Variants in BEGAIN observed in about 807,000 individuals in gnomAD.
The protein encoded by BEGAIN is brain-enriched guanylate kinase-associated protein.
BEGAIN carries 19 observed loss-of-function variants against 35.8 expected under a neutral mutation model. The observed-to-expected ratio is 0.53, with a 90% confidence interval of 0.37 to 0.78. BEGAIN has a LOEUF of 0.78. BEGAIN is among the 30% of genes least tolerant of loss of function. The pLI, the probability that BEGAIN is intolerant of heterozygous loss-of-function variation, is 0.00. For missense variants in BEGAIN, 795 were observed against 853.6 expected, an observed-to-expected ratio of 0.93 and a Z score of 0.85; for synonymous variants, 462 against 388.6, an observed-to-expected ratio of 1.19 and a Z score of -2.22.
At chr14:100,577,863 T>C (rs948577005) in intron 1 of BEGAIN, 13 of 399,194 alleles carry the variant, frequency 3.3e-5, no homozygotes, top group Non-Finnish European at 5.3e-5. Flanking sequence ...TGGGGGCTTC[T>C]GTCCCGGGCT....
intron 2 of BEGAIN, among the ~76,000 whole-genome samples, chr14:100,555,648 C>T (rs1300042735): frequency 6.6e-6 from 1 of 152,254 alleles, no homozygotes; most frequent in Non-Finnish European, 1.5e-5. Flanking sequence ...AGGCCAGCCT[C>T]ACACTGAGAT....
At chr14:100,539,445 C>T (rs937958618) in intron 6 of BEGAIN, 130 bp from the exon 7 acceptor site, 27 of 1,421,816 alleles carry the variant, frequency 1.9e-5, no homozygotes, top group Middle Eastern at 2.5e-4. Flanking sequence ...GGGGGCCTCC[C>T]GGCTTCTCAA....
Position 100,568,129 on chromosome 14 carries a change from G to A in BEGAIN, c.43-190C>T. 9.9e-7 allele frequency: 1 copy of A among 1,006,246 alleles called. No homozygotes were observed. The highest frequency in any genetic ancestry group is 1.8e-5 in the African/African-American group (1 of 57,072). 62.3% of individuals were successfully genotyped at this position (1,006,246 alleles called of 1,614,324 possible). ...CGTGACTCAGTGGGCGCGCCGGGCC[G>A]CGGCCGAGTAACAGGTGAGCCCGCC... On this transcript the variant is annotated intron_variant, in intron 1 of 6. Transcript: ENST00000554140. The surrounding 1 kb of genome is among the most constrained non-coding windows in gnomAD (Gnocchi z 7.5).
At chr14:100,580,492 A>T (rs2035293383) in intron 1 of BEGAIN, among the ~76,000 whole-genome samples, 1 of 151,852 alleles carries the variant, frequency 6.6e-6, no homozygotes, top group Non-Finnish European at 1.5e-5. Context: ...GCTAAGCTCT[A>T]TCTGACCTCA....
At position 100,537,884 on chromosome 14, in the gene BEGAIN, G is replaced by T. The variant is rs1281340730; in HGVS notation, c.*85C>A. ...TTGTTGGCCGGGGCAGGGGAACAGC[G>T]GGGGCTGGGGAGAGGTGAGGCCGGC... On this transcript the variant is annotated 3_prime_UTR_variant, in exon 7 of 7. Coordinates refer to ENST00000554140, the MANE Select transcript of BEGAIN (RefSeq NM_001385089.1). The T allele has an allele frequency of 6.8e-7, 1 of 1,478,054 alleles. No individual in the cohort carries two copies. Among genetic ancestry groups the T allele is most frequent in the East Asian group, 2.5e-5 (1 of 39,972 alleles). The allele number at this position is 1,478,054 out of a possible 1,614,324, so 91.6% of individuals were successfully genotyped here.
chr14:100,555,732 C>T (rs186418130), intron 2 of BEGAIN, among the ~76,000 whole-genome samples: 6 of 152,316 alleles, frequency 3.9e-5, no homozygotes, highest in South Asian at 2.1e-4. Flanking sequence ...ACAACTATGA[C>T]GAGCTGCCCT....
Position 100,568,620 on chromosome 14 carries a change from G to A in BEGAIN, c.43-681C>T. On this transcript the variant is annotated intron_variant, in intron 1 of 6. Coordinates refer to ENST00000554140, the MANE Select transcript of BEGAIN (RefSeq NM_001385089.1). This position sits in a 1 kb window ranked among gnomAD's most constrained non-coding sequence, Gnocchi z 7.5. The stretch of plus-strand genomic sequence containing the variant: ...GCTTGCGCAGACCCGCCCGCGCGCG[G>A]CTTGGAGACCCTCCCTGCCCAGCCC... The A allele has an allele frequency of 1.1e-6, 1 of 920,778 alleles. No individual in the cohort carries two copies. The highest frequency in any genetic ancestry group is 7.4e-5 in the East Asian group (1 of 13,478). 57.0% of individuals were successfully genotyped at this position (920,778 alleles called of 1,614,324 possible). A position where few individuals can be genotyped will look rare whatever the true frequency, so the allele number is the denominator to read the frequency against.
rs922527533 is a variant in BEGAIN at position 100,567,262 on chromosome 14, G to C, written c.71+649C>G. 6.6e-6 allele frequency among the ~76,000 whole-genome samples: 1 copy of C among 152,210 alleles called. No homozygotes were observed. The highest frequency in any genetic ancestry group is 2.4e-5 in the African/African-American group (1 of 41,462). The stretch of plus-strand genomic sequence containing the variant: ...AAATATTCAAACTGGCTGATCCCAG[G>C]CCTGCCGCGCAGGTGGTCCCGTGAA... On this transcript the variant is annotated intron_variant, in intron 2 of 6. Transcript: ENST00000554140. The surrounding 1 kb of genome is among the most constrained non-coding windows in gnomAD (Gnocchi z 5.1).
intron 5 of BEGAIN, among the ~76,000 whole-genome samples, chr14:100,541,871 ACT>A (rs1566961322): frequency 2.6e-5 from 4 of 152,118 alleles, no homozygotes; most frequent in South Asian, 2.1e-4. Flanking sequence ...CTCACGGGAC[ACT>A]CTGGCAGAGC....
chr14:100,542,471 A>G (rs1334300916), intron 5 of BEGAIN, among the ~76,000 whole-genome samples: 1 of 151,532 alleles, frequency 6.6e-6, no homozygotes, highest in African/African-American at 2.4e-5. Flanking sequence ...TTCACGCTCA[A>G]CTCCAGACCC....
In BEGAIN at chr14:100,538,414, T is replaced by C; in HGVS notation, c.1394A>G (p.Glu465Gly). 1 of 1,580,016 alleles carries C rather than the reference T, an allele frequency of 6.3e-7. No homozygotes were observed. The highest frequency in any genetic ancestry group is 8.6e-7 in the Non-Finnish European group (1 of 1,166,762). Residue 465 changes from glutamate (E) to glycine (G), a missense_variant, in exon 7 of 7, where the codon GAA becomes GGA. Coordinates refer to ENST00000554140, the MANE Select transcript of BEGAIN (RefSeq NM_001385089.1). ...GCCCCCGGCCCCGCCGTAGTAGCGT[T>C]CAGAGAAGCTGCAGGGTGAGGCGCG... The part of the protein sequence containing the change: ...AGRASPCSFS[E>G]RYYGGAGGSP...
At chr14:100,548,687 A>ACCCTGC (rs2032851566) in intron 2 of BEGAIN, 1 of 152,020 alleles carries the variant, frequency 6.6e-6, no homozygotes, top group South Asian at 2.1e-4. Context: ...AGTAAGACAA[A>ACCCTGC]CCCTGCCCCT....
Position 100,568,356 on chromosome 14 carries a change from G to T in BEGAIN, c.43-417C>A, listed in dbSNP as rs1239756635. 1 of 1,121,720 alleles carries T rather than the reference G, an allele frequency of 8.9e-7. No homozygotes were observed. Among genetic ancestry groups the T allele is most frequent in the African/African-American group, 1.6e-5 (1 of 61,786 alleles). 69.5% of individuals were successfully genotyped at this position (1,121,720 alleles called of 1,614,324 possible). On this transcript the variant is annotated intron_variant, in intron 1 of 6. Coordinates refer to ENST00000554140, the MANE Select transcript of BEGAIN (RefSeq NM_001385089.1). The surrounding 1 kb of genome is among the most constrained non-coding windows in gnomAD (Gnocchi z 7.5). The stretch of plus-strand genomic sequence containing the variant: ...TTCCTGCCCCGCGCTCCCTCCCGGA[G>T]GAAGCCGAACCCCGGAATCGCAGAA...
intron 3 of BEGAIN, chr14:100,545,571 G>T: frequency 2.7e-6 from 1 of 376,622 alleles, no homozygotes. Flanking sequence ...GGAATCAGGT[G>T]CTTGGAGATT....
intron 5 of BEGAIN, among the ~76,000 whole-genome samples, chr14:100,542,375 C>A (rs1396515921): frequency 1.3e-5 from 2 of 152,266 alleles, no homozygotes. Context: ...CCCTCCCAGG[C>A]ATCCTTGCTG....
rs2030775654 is a variant in BEGAIN, at chr14:100,537,792, G to A, written c.*177C>T. 1.0e-6 allele frequency: 1 copy of A among 995,052 alleles called. No homozygotes were observed. Among genetic ancestry groups the A allele is most frequent in the Admixed American group, 3.5e-5 (1 of 28,732 alleles). The allele number at this position is 995,052 out of a possible 1,614,324, so 61.6% of individuals were successfully genotyped here. A position where few individuals can be genotyped will look rare whatever the true frequency, so the allele number is the denominator to read the frequency against. ...GGGGCCGGGTGGACACCGTGGTGTG[G>A]GGGACCCTCCCCTCAGGCCTACAGG... On this transcript the variant is annotated 3_prime_UTR_variant, in exon 7 of 7. Transcript: ENST00000554140.
chr14:100,586,439 G>A lies in BEGAIN; in HGVS notation c.42+810C>T, dbSNP rs1349280089. Among the ~76,000 whole-genome samples the A allele has an allele frequency of 6.6e-6, 1 of 152,172 alleles. No individual in the cohort carries two copies. The highest frequency in any genetic ancestry group is 1.5e-5 in the Non-Finnish European group (1 of 68,030). ...CGGGTGCCCACTCTGCTCCCATTCT[G>A]CCGGCTCAGGAGACTCCAGCGCGTC... On this transcript the variant is annotated intron_variant, in intron 1 of 6. Transcript: ENST00000554140. The surrounding 1 kb of genome is among the most constrained non-coding windows in gnomAD (Gnocchi z 4.9).
intron 1 of BEGAIN, among the ~76,000 whole-genome samples, chr14:100,571,256 G>A (rs2035072970): frequency 6.6e-6 from 1 of 152,148 alleles, no homozygotes; most frequent in African/African-American, 2.4e-5. Context: ...CTGCCTGTTG[G>A]CCACTAGCCC....
Position 100,580,261 on chromosome 14 carries a change from C to A in BEGAIN, c.42+6988G>T, listed in dbSNP as rs147926201. On this transcript the variant is annotated intron_variant, in intron 1 of 6. Transcript: ENST00000554140. Reference sequence around the variant, plus strand: ...GAGGTTGCAGTGAGCTGAGATCACACCACTGCACTCCAGCCTGGGTGACAG... The same window carrying A: ...GAGGTTGCAGTGAGCTGAGATCACAACACTGCACTCCAGCCTGGGTGACAG... Among the ~76,000 whole-genome samples, 148 of 152,284 alleles carry A rather than the reference C, an allele frequency of 9.7e-4. 1 individual carries two copies. In the East Asian group the frequency reaches 0.019, roughly 20 times the overall value.
Sources: gnomAD v4.1 joint callset for allele counts (sites outside exome capture counted in the v4.1 genomes callset) on GRCh38, gnomAD v4.1.1 for gene constraint, Gnocchi (gnomAD v3.1) non-coding constraint, MANE v1.5 for transcripts, NCBI Gene and HGNC (gene_info 2026-07-23, HGNC 2026-07-21) for gene names.